CCDC178: variants seen among roughly 807,000 people sequenced by gnomAD.
CCDC178 encodes the protein coiled-coil domain-containing protein 178.
CCDC178 carries 126 observed loss-of-function variants against 117.4 expected under a neutral mutation model. That is an observed-to-expected ratio of 1.07 (90% CI 0.93 to 1.24). The LOEUF (loss-of-function observed/expected upper bound fraction) is 1.24. CCDC178 is among the 50% of genes most tolerant of loss of function. The pLI is 0.00. For missense variants in CCDC178, 1,030 were observed against 986.9 expected, an observed-to-expected ratio of 1.04 and a Z score of -0.59; for synonymous variants, 283 against 313.4, an observed-to-expected ratio of 0.90 and a Z score of 1.02.
chr18:33,020,116 G>GTTT (rs974063654), intron 21 of CCDC178, among the ~76,000 whole-genome samples: 106 of 135,674 alleles, frequency 7.8e-4, no homozygotes, highest in African/African-American at 2.8e-3. Flanking sequence ...CGGATAATTG[G>GTTT]TTTTTTTTTT....
chr18:33,171,903 T>G (rs959757361), intron 20 of CCDC178, among the ~76,000 whole-genome samples: 1 of 152,088 alleles, frequency 6.6e-6, no homozygotes, highest in Non-Finnish European at 1.5e-5. Flanking sequence ...AAATTCTGTT[T>G]TTTGTTTTTT....
chr18:33,001,847 T>C (rs555993413), intron 21 of CCDC178, among the ~76,000 whole-genome samples: 81 of 152,224 alleles, frequency 5.3e-4, no homozygotes, highest in African/African-American at 1.8e-3. Context: ...AGATACTCCA[T>C]GCAAATGGAA....
At chr18:33,224,449 A>G (rs2059276389) in intron 17 of CCDC178, among the ~76,000 whole-genome samples, 1 of 152,214 alleles carries the variant, frequency 6.6e-6, no homozygotes, top group Non-Finnish European at 1.5e-5. Flanking sequence ...TATGCAAATG[A>G]GCACAACTTT....
intron 2 of CCDC178, among the ~76,000 whole-genome samples, chr18:33,438,866 A>T (rs2064333029): frequency 6.6e-6 from 1 of 152,102 alleles, no homozygotes. Context: ...TATTCTCATT[A>T]ACCTCATTAA....
At chr18:33,434,806 T>C (rs921367587) in intron 2 of CCDC178, among the ~76,000 whole-genome samples, 1 of 151,964 alleles carries the variant, frequency 6.6e-6, no homozygotes, top group Non-Finnish European at 1.5e-5. Flanking sequence ...ATTTTGACAA[T>C]TCTAACTCTC....
chr18:33,208,826 G>A (rs775403645), intron 20 of CCDC178, among the ~76,000 whole-genome samples: 11 of 151,754 alleles, frequency 7.2e-5, no homozygotes, highest in Non-Finnish European at 1.5e-4. Context: ...TTTCCTGAGA[G>A]TAGAAAATAT....
intron 22 of CCDC178, among the ~76,000 whole-genome samples, chr18:32,964,090 A>G (rs1252022433): frequency 2.6e-5 from 4 of 152,006 alleles, no homozygotes; most frequent in African/African-American, 7.2e-5. Flanking sequence ...TCATTCCTAA[A>G]GGTAGGGGTG....
intron 10 of CCDC178, among the ~76,000 whole-genome samples, chr18:33,329,874 AGAGTGT>A (rs1401818324): frequency 2.1e-3 from 159 of 75,438 alleles, no homozygotes; most frequent in African/African-American, 8.3e-3. Context: ...GAGAATTATT[AGAGTGT>A]GTGTGTGTGT....
chr18:33,029,198 A>AT (rs1182628617), intron 21 of CCDC178, among the ~76,000 whole-genome samples: 1 of 151,960 alleles, frequency 6.6e-6, no homozygotes, highest in Admixed American at 6.6e-5. Context: ...ATTACTTCTT[A>AT]TAAGTCTACT....
At chr18:33,328,617 G>A (rs7232577) in intron 10 of CCDC178, among the ~76,000 whole-genome samples, 10,370 of 152,120 alleles carry the variant, frequency 0.068, 461 homozygotes, top group Non-Finnish European at 0.093. Context: ...TCAATTAGCC[G>A]TAGATGTATA....
chr18:33,205,611 G>A (rs955010228), intron 20 of CCDC178, among the ~76,000 whole-genome samples: 4 of 152,196 alleles, frequency 2.6e-5, no homozygotes, highest in Non-Finnish European at 5.9e-5. Context: ...CTTTGAATAT[G>A]TGGAATTTTA....
intron 15 of CCDC178, among the ~76,000 whole-genome samples, chr18:33,240,527 G>A (rs1485341793): frequency 1.3e-5 from 2 of 151,388 alleles, no homozygotes; most frequent in Admixed American, 6.6e-5. Context: ...GAAACAAAAT[G>A]GAAACATCAC....
At chr18:33,263,822 C>A (rs930029104) in intron 14 of CCDC178, among the ~76,000 whole-genome samples, 3 of 151,766 alleles carry the variant, frequency 2.0e-5, no homozygotes, top group African/African-American at 7.3e-5. Flanking sequence ...TTTTCATAAA[C>A]ATAAGATTGC....
chr18:33,092,685 A>G, intron 21 of CCDC178, 76 bp downstream of exon 21: 1 of 1,028,214 alleles, frequency 9.7e-7, no homozygotes, highest in Non-Finnish European at 1.4e-6. Context: ...AGAGGCACCC[A>G]AACTGACTAC....
At chr18:33,121,248 C>T (rs759351803) in intron 20 of CCDC178, among the ~76,000 whole-genome samples, 2 of 152,078 alleles carry the variant, frequency 1.3e-5, no homozygotes, top group Non-Finnish European at 2.9e-5. Flanking sequence ...AAATGGGTAG[C>T]GTCAAAGGGC....
intron 2 of CCDC178, among the ~76,000 whole-genome samples, chr18:33,417,023 C>T (rs1247538004): frequency 1.3e-5 from 2 of 152,172 alleles, no homozygotes; most frequent in Non-Finnish European, 2.9e-5. Flanking sequence ...ATGATGTAAC[C>T]ACTCTGGAAA....
chr18:33,391,906 C>G (rs1005210113), intron 4 of CCDC178, among the ~76,000 whole-genome samples: 1 of 151,640 alleles, frequency 6.6e-6, no homozygotes. Flanking sequence ...ACTCTGTCAC[C>G]AGGCTGGAGT....
chr18:33,078,622 T>A (rs992609946), intron 21 of CCDC178, among the ~76,000 whole-genome samples: 3 of 152,160 alleles, frequency 2.0e-5, no homozygotes, highest in African/African-American at 4.8e-5. Flanking sequence ...TCAGTGGAAT[T>A]CTTATATACC....
intron 9 of CCDC178, among the ~76,000 whole-genome samples, chr18:33,335,111 G>T (rs1227476525): frequency 6.6e-6 from 1 of 151,698 alleles, no homozygotes; most frequent in Non-Finnish European, 1.5e-5. Context: ...CATCTCTTCT[G>T]CATTACGTAT....
Sources: gnomAD v4.1 joint callset for allele counts (sites outside exome capture counted in the v4.1 genomes callset) on GRCh38, gnomAD v4.1.1 for gene constraint, MANE v1.5 for transcripts, NCBI Gene and HGNC (gene_info 2026-07-23, HGNC 2026-07-21) for gene names.